Variants in CDX4 observed in about 807,000 individuals in gnomAD.
The protein encoded by CDX4 is homeobox protein CDX-4.
A neutral mutation model predicts 14.1 loss-of-function variants in CDX4; 11 were observed. The observed-to-expected ratio is 0.78, with a 90% CI of 0.49 to 1.29. The LOEUF is 1.29. Among genes scored for constraint, CDX4 ranks in the 50% most tolerant of loss-of-function variants. The probability of loss-of-function intolerance (pLI) is 0.00; values close to 1 mark genes in which losing one functional copy is unlikely to be tolerated. For missense variants in CDX4, 257 were observed against 237.4 expected, an observed-to-expected ratio of 1.08 and a Z score of -0.54; for synonymous variants, 100 against 93.5, an observed-to-expected ratio of 1.07 and a Z score of -0.40.
In CDX4 at chrX:73,453,241, A is replaced by G. The variant is rs148790139; in HGVS notation, c.503-276A>G. On this transcript the variant is annotated intron_variant, in intron 1 of 2. Transcript: ENST00000373514. The stretch of plus-strand genomic sequence containing the variant: ...GACCAATCATTTTAGGAGAAACATT[A>G]ATTAAAGAGATGTTGGTTTTATATA... 6.5e-3 allele frequency among the ~76,000 whole-genome samples: 722 copies of G among 111,394 alleles called. 8 individuals carry two copies. The highest frequency in any genetic ancestry group is 0.022 in the African/African-American group (675 of 30,788).
In CDX4 at chrX:73,447,727, A is replaced by C. The variant is rs765124044; in HGVS notation, c.474A>C (p.Ala158=). The change falls in exon 1 of 3, where the codon GCA becomes GCC. Residue 158 remains alanine, a synonymous_variant. Coordinates refer to ENST00000373514, the MANE Select transcript of CDX4 (RefSeq NM_005193.2). The stretch of plus-strand genomic sequence containing the variant: ...GCAGGAGCCGCCACAGCCCCTATGC[A>C]TGGATGCGCAAGACGGTGCAGGTGA... ...SPSRSRHSPY[A]WMRKTVQVTG... 21 of 1,186,193 alleles carry C rather than the reference A, an allele frequency of 1.8e-5. No homozygotes were observed. The South Asian group carries it at 3.9e-4, about 22-fold the overall frequency.
At position 73,447,366 on chromosome X, in the gene CDX4, C is replaced by T; in HGVS notation, c.113C>T (p.Pro38Leu). The change falls in exon 1 of 3, where the codon CCG (proline) becomes CTG (leucine). Residue 38 changes from proline (P) to leucine (L), a missense_variant. By Grantham distance (98) the Pro-to-Leu change is moderately conservative (BLOSUM62 -3). Transcript: ENST00000373514. ...GGCGGCACAGGGGGCGGTGGGAGTC[C>T]GATGCCAGCCTCCAATTTCGCTGCG... ...GTGGTGGGGS[P>L]MPASNFAAAP... is the part of the protein sequence containing the mutation. 1 of 1,210,638 alleles carries T rather than the reference C, an allele frequency of 8.3e-7. No individual in the cohort carries two copies. The highest frequency in any genetic ancestry group is 1.1e-6 in the Non-Finnish European group (1 of 895,030).
chrX:73,449,166 C>T (rs1019113912), intron 1 of CDX4, among the ~76,000 whole-genome samples: 3 of 111,430 alleles, frequency 2.7e-5, no homozygotes, highest in African/African-American at 9.8e-5. Flanking sequence ...CATCTAATCT[C>T]GGGGTTGTAA....
chrX:73,449,035 G>T (rs1004131416), intron 1 of CDX4, among the ~76,000 whole-genome samples: 1 of 111,640 alleles, frequency 9.0e-6, no homozygotes, highest in African/African-American at 3.3e-5. Flanking sequence ...AAGTAGAGTT[G>T]AAATACTTGG....
chrX:73,451,089 T>C (rs773453250), intron 1 of CDX4, among the ~76,000 whole-genome samples: 1 of 111,599 alleles, frequency 9.0e-6, no homozygotes, highest in Admixed American at 9.5e-5. Context: ...ATAAACTCAA[T>C]AATGGCTGAA....
chrX:73,447,415 G>A lies in CDX4; in HGVS notation c.162G>A (p.Met54Ile). Residue 54 changes from methionine to isoleucine, a missense_variant, in exon 1 of 3, where the codon ATG (methionine) becomes ATA (isoleucine). Coordinates refer to ENST00000373514, the MANE Select transcript of CDX4 (RefSeq NM_005193.2). ...CGGCACCGGCTTTCTCGCACTATAT[G>A]GGGTATCCTCATATGCCCAGCATGG... ...FAAAPAFSHY[M>I]GYPHMPSMDP... is the part of the protein sequence containing the mutation. 4 of 1,211,189 alleles carry A rather than the reference G, an allele frequency of 3.3e-6. No homozygotes were observed. Among genetic ancestry groups the A allele is most frequent in the Non-Finnish European group, 3.4e-6 (3 of 895,117 alleles).
intron 1 of CDX4, among the ~76,000 whole-genome samples, chrX:73,448,939 C>T (rs2057079266): frequency 1.8e-5 from 2 of 111,632 alleles, no homozygotes; most frequent in African/African-American, 6.5e-5. Flanking sequence ...TGGGAAGTGA[C>T]CCATTTTTAC....
intron 2 of CDX4, among the ~76,000 whole-genome samples, chrX:73,453,870 A>G (rs757474663): frequency 2.7e-5 from 3 of 111,840 alleles, no homozygotes; most frequent in African/African-American, 9.7e-5. Flanking sequence ...TATGTGTTTC[A>G]TTAATATTTT....
chrX:73,451,130 A>G (rs1390213362), intron 1 of CDX4, among the ~76,000 whole-genome samples: 5 of 111,838 alleles, frequency 4.5e-5, no homozygotes, highest in African/African-American at 1.6e-4. Flanking sequence ...GAAATGTCAT[A>G]GTCTCTGGAA....
intron 1 of CDX4, 137 bp from the exon 2 acceptor site, chrX:73,453,380 A>G: frequency 2.0e-6 from 1 of 493,573 alleles, no homozygotes; most frequent in South Asian, 3.8e-5. Flanking sequence ...GACTTTTATG[A>G]ATATTTGATT....
rs1219499209 is a variant in CDX4 at position 73,447,299 on chromosome X, G to A, written c.46G>A (p.Gly16Ser). Residue 16 changes from glycine to serine, a missense_variant, in exon 1 of 3, where the codon GGC (glycine) becomes AGC (serine). Physicochemically the swap from Gly to Ser is moderately conservative, Grantham distance 56. Transcript: ENST00000373514. ...GGAGAAAGAAGCAGGCATGTACCCG[G>A]GCACTCTCATGAGCCCTGGGGGCGA... ...LLEKEAGMYP[G>S]TLMSPGGDGT... is the part of the protein sequence containing the mutation. 3 of 1,209,249 alleles carry A rather than the reference G, an allele frequency of 2.5e-6. No homozygotes were observed. The highest frequency in any genetic ancestry group is 3.5e-5 in the African/African-American group (2 of 57,096).
chrX:73,454,539 G>T lies in CDX4; in HGVS notation c.809G>T (p.Arg270Leu). ...TTTTTCACCACACCATCTGCTGTTC[G>T]TGGATTTCAACCTATTGAGATACAG... Reference protein sequence around the residue: ...NTFFTTPSAVRGFQPIEIQQV... With the variant: ...NTFFTTPSAVLGFQPIEIQQV... Residue 270 changes from arginine to leucine, a missense_variant, in exon 3 of 3, where the codon CGT becomes CTT. By Grantham distance (102) the Arg-to-Leu change is moderately radical (BLOSUM62 -2). Transcript: ENST00000373514. The T allele has an allele frequency of 8.3e-7, 1 of 1,210,230 alleles. No individual in the cohort carries two copies. Among genetic ancestry groups the T allele is most frequent in the Non-Finnish European group, 1.1e-6 (1 of 894,375 alleles).
In CDX4 at chrX:73,447,311, A is replaced by G; in HGVS notation, c.58A>G (p.Ser20Gly). The change falls in exon 1 of 3, where the codon AGC (serine) becomes GGC (glycine). Residue 20 changes from serine to glycine, a missense_variant. Ser to Gly is a moderately conservative substitution (Grantham distance 56). Transcript: ENST00000373514. ...EAGMYPGTLM[S>G]PGGDGTAGTG... ...AGGCATGTACCCGGGCACTCTCATG[A>G]GCCCTGGGGGCGACGGCACAGCTGG... is the stretch of plus-strand genomic sequence containing the variant. 1.7e-6 allele frequency: 2 copies of G among 1,210,882 alleles called. No individual in the cohort carries two copies.
At chrX:73,450,679 GACA>G (rs1387403075) in intron 1 of CDX4, among the ~76,000 whole-genome samples, 1 of 111,813 alleles carries the variant, frequency 8.9e-6, no homozygotes, top group Non-Finnish European at 1.9e-5. Flanking sequence ...CATTTCATGG[GACA>G]ACTTTTTAAA....
At chrX:73,448,389 G>A (rs780954907) in intron 1 of CDX4, among the ~76,000 whole-genome samples, 10 of 112,079 alleles carry the variant, frequency 8.9e-5, no homozygotes, top group Non-Finnish European at 1.7e-4. Context: ...AAAATCCATT[G>A]CCATCTTACA....
Position 73,454,538 on chromosome X carries a change from C to T in CDX4, c.808C>T (p.Arg270Cys), listed in dbSNP as rs760648974. Residue 270 changes from arginine (R) to cysteine (C), a missense_variant, in exon 3 of 3, where the codon CGT (arginine) becomes TGT (cysteine). By Grantham distance (180) the Arg-to-Cys change is radical (BLOSUM62 -3). Transcript: ENST00000373514. ...NTFFTTPSAVRGFQPIEIQQV... is the reference protein window; with the variant it reads ...NTFFTTPSAVCGFQPIEIQQV... ...TTTTTTCACCACACCATCTGCTGTT[C>T]GTGGATTTCAACCTATTGAGATACA... The T allele has an allele frequency of 9.9e-6, 12 of 1,207,875 alleles. No homozygotes were observed. The highest frequency in any genetic ancestry group is 3.0e-5 in the East Asian group (1 of 33,737).
intron 1 of CDX4, among the ~76,000 whole-genome samples, chrX:73,448,012 A>G (rs943176033): frequency 5.3e-5 from 6 of 112,220 alleles, no homozygotes; most frequent in African/African-American, 1.9e-4. Flanking sequence ...GAAGAAAGCG[A>G]GTGAGTGGAC....
In CDX4 at chrX:73,454,529, T is replaced by A. The variant is rs1740306367; in HGVS notation, c.799T>A (p.Ser267Thr). ...ACCTAACACTTTTTTCACCACACCA[T>A]CTGCTGTTCGTGGATTTCAACCTAT... is the stretch of plus-strand genomic sequence containing the variant. ...ELPNTFFTTP[S>T]AVRGFQPIEI... Residue 267 changes from serine (S) to threonine (T), a missense_variant, in exon 3 of 3, where the codon TCT (serine) becomes ACT (threonine). Physicochemically the swap from Ser to Thr is moderately conservative, Grantham distance 58. Transcript: ENST00000373514. 8.3e-7 allele frequency: 1 copy of A among 1,210,232 alleles called. No homozygotes were observed. Among genetic ancestry groups the A allele is most frequent in the Admixed American group, 2.2e-5 (1 of 45,967 alleles).
rs760976173 is a variant in CDX4 at position 73,447,486 on chromosome X, C to T, written c.233C>T (p.Pro78Leu). ...GGAGTCTGGGGCTCACCCTACAGTC[C>T]CCCGCGAGAAGACTGGAGCGTGTAT... is the stretch of plus-strand genomic sequence containing the variant. ...SLGVWGSPYSPPREDWSVYPG... is the reference protein window; with the variant it reads ...SLGVWGSPYSLPREDWSVYPG... Residue 78 changes from proline (P) to leucine (L), a missense_variant, in exon 1 of 3, where the codon CCC becomes CTC. Pro to Leu is a moderately conservative substitution (Grantham distance 98, BLOSUM62 -3). Transcript: ENST00000373514. 5.9e-5 allele frequency: 71 copies of T among 1,211,748 alleles called. No homozygotes were observed. The East Asian group carries it at 1.9e-3, about 32-fold the overall frequency.
Sources: gnomAD v4.1 joint callset for allele counts (sites outside exome capture counted in the v4.1 genomes callset) on GRCh38, gnomAD v4.1.1 for gene constraint, MANE v1.5 for transcripts, NCBI Gene and HGNC (gene_info 2026-07-23, HGNC 2026-07-21) for gene names.